The following CCDC30 variants were observed in gnomAD, a reference collection of about 807,000 sequenced individuals.
CCDC30 encodes coiled-coil domain containing 30.
In CCDC30, 70 loss-of-function variants were observed where a neutral mutation model predicts 100.2. That is an observed-to-expected ratio of 0.70 (90% CI 0.58 to 0.85). The LOEUF (loss-of-function observed/expected upper bound fraction) is 0.85. CCDC30 is among the 40% of genes least tolerant of loss of function. The pLI is 0.00. For synonymous variants in CCDC30, 233 were observed against 269.5 expected (o/e 0.86, Z 1.33); for missense variants, 652 against 771.2 (o/e 0.85, Z 1.83).
At chr1:42,528,561 G>A (rs571645992) in intron 6 of CCDC30, among the ~76,000 whole-genome samples, 1 of 152,326 alleles carries the variant, frequency 6.6e-6, no homozygotes, top group Non-Finnish European at 1.5e-5. Context: ...GGTAGGAAGA[G>A]CCTCAAACTG....
At chr1:42,602,244 G>T (rs1309173261) in intron 10 of CCDC30, among the ~76,000 whole-genome samples, 3 of 151,626 alleles carry the variant, frequency 2.0e-5, no homozygotes, top group Admixed American at 6.6e-5. Context: ...AAAATTACAG[G>T]AGAAATCAAT....
intron 4 of CCDC30, among the ~76,000 whole-genome samples, chr1:42,494,810 CA>C (rs1644204255): frequency 8.7e-6 from 1 of 114,362 alleles, no homozygotes; most frequent in Non-Finnish European, 1.8e-5. Flanking sequence ...AATGAGATAC[CA>C]TCTCACACCA....
At chr1:42,655,465 T>C (rs1389255622), downstream of CCDC30, among the ~76,000 whole-genome samples, 1 of 152,038 alleles carries the variant, frequency 6.6e-6, no homozygotes, top group Admixed American at 6.6e-5. Context: ...GAGAATCACT[T>C]GAACCCGAGA....
upstream of CCDC30, among the ~76,000 whole-genome samples, chr1:42,461,158 A>G (rs115571689): frequency 5.2e-3 from 798 of 152,322 alleles, 5 homozygotes; most frequent in African/African-American, 0.018. Context: ...ATGGTGTTTC[A>G]TGGAGTAGGG....
chr1:42,608,845 A>G (rs1455630773), intron 10 of CCDC30, among the ~76,000 whole-genome samples: 1 of 152,124 alleles, frequency 6.6e-6, no homozygotes, highest in Non-Finnish European at 1.5e-5. Context: ...CCAGTGCCAC[A>G]TGATGAGGAA....
intron 6 of CCDC30, among the ~76,000 whole-genome samples, chr1:42,532,034 A>G (rs1341669527): frequency 6.6e-6 from 1 of 151,768 alleles, no homozygotes; most frequent in Non-Finnish European, 1.5e-5. Context: ...GCTCATACCT[A>G]TAATCCTAGC....
In CCDC30 at chr1:42,577,343, T is replaced by A; in HGVS notation, c.846+114T>A. On this transcript the variant is annotated intron_variant, in intron 8 of 16. Transcript: ENST00000668663. ...TGCAGACTTGATAGAATTCTAAGAT[T>A]TTTTTTCTCTCCCATGTTTTCTTCT... is the stretch of plus-strand genomic sequence containing the variant. The A allele has an allele frequency of 4.1e-6, 3 of 723,792 alleles. 1 individual carries two copies. Among genetic ancestry groups the A allele is most frequent in the Non-Finnish European group, 6.7e-6 (3 of 444,982 alleles). The allele number at this position is 723,792 out of a possible 1,614,324, so 44.8% of individuals were successfully genotyped here. A position where few individuals can be genotyped will look rare whatever the true frequency, so the allele number is the denominator to read the frequency against.
upstream of CCDC30, chr1:42,460,118 G>A: frequency 7.4e-7 from 1 of 1,347,074 alleles, no homozygotes; most frequent in African/African-American, 1.5e-5. Flanking sequence ...TTTTGAAATT[G>A]AACACTAGAA....
intron 6 of CCDC30, 71 bp from the exon 11 acceptor site, chr1:42,566,225 C>G (rs2148564909): frequency 8.2e-7 from 1 of 1,219,680 alleles, no homozygotes; most frequent in Non-Finnish European, 1.2e-6. Context: ...CCGGTTCTGA[C>G]AACTTGAACC....
At chr1:42,636,817 T>C (rs1647165590) in intron 11 of CCDC30, among the ~76,000 whole-genome samples, 1 of 151,356 alleles carries the variant, frequency 6.6e-6, no homozygotes, top group South Asian at 2.1e-4. Context: ...AATACAAAAA[T>C]TAGCAGGGCA....
chr1:42,645,917 A>G (rs2148691259), intron 14 of CCDC30, among the ~76,000 whole-genome samples: 2 of 152,318 alleles, frequency 1.3e-5, no homozygotes, highest in Middle Eastern at 6.8e-3. Flanking sequence ...AATAAGTACT[A>G]TAGTATTACA....
upstream of CCDC30, chr1:42,460,228 A>G: frequency 9.4e-7 from 1 of 1,066,816 alleles, no homozygotes; most frequent in Non-Finnish European, 1.1e-6. Context: ...CTATAGAAAA[A>G]GGATTATGGA....
At chr1:42,565,659 A>G (rs376166320) in intron 6 of CCDC30, among the ~76,000 whole-genome samples, 1 of 152,202 alleles carries the variant, frequency 6.6e-6, no homozygotes, top group South Asian at 2.1e-4. Context: ...AGAGCTACCC[A>G]TATGATCTAG....
At chr1:42,464,626 G>T (rs567603609) in intron 1 of CCDC30, among the ~76,000 whole-genome samples, 2 of 152,258 alleles carry the variant, frequency 1.3e-5, no homozygotes, top group South Asian at 4.1e-4. Context: ...TGGAACAGAG[G>T]GCCTTAAATA....
At chr1:42,520,219 AT>A in intron 6 of CCDC30, among the ~76,000 whole-genome samples, 1 of 150,136 alleles carries the variant, frequency 6.7e-6, no homozygotes, top group Non-Finnish European at 1.5e-5. Flanking sequence ...GATCTTTCTT[AT>A]TTTTTACTGT....
intron 6 of CCDC30, among the ~76,000 whole-genome samples, chr1:42,551,059 G>C (rs1645242456): frequency 6.6e-6 from 1 of 152,084 alleles, no homozygotes; most frequent in Non-Finnish European, 1.5e-5. Flanking sequence ...TGCCATGTTG[G>C]TGTGCTGCCT....
chr1:42,527,996 G>T (rs1644748193), intron 6 of CCDC30, among the ~76,000 whole-genome samples: 1 of 152,106 alleles, frequency 6.6e-6, no homozygotes, highest in Non-Finnish European at 1.5e-5. Flanking sequence ...CTCCCGAGTA[G>T]CTGGGATTAC....
intron 11 of CCDC30, among the ~76,000 whole-genome samples, chr1:42,625,140 A>G (rs1469167464): frequency 2.0e-5 from 3 of 151,566 alleles, no homozygotes; most frequent in African/African-American, 4.8e-5. Flanking sequence ...GAGTTTGTTC[A>G]TTTCTTCTAG....
chr1:42,606,006 A>G (rs1389878650), intron 10 of CCDC30, among the ~76,000 whole-genome samples: 1 of 152,198 alleles, frequency 6.6e-6, no homozygotes, highest in Admixed American at 6.5e-5. Flanking sequence ...GCTTAGAAAC[A>G]TTGAAAAAGT....
Sources: gnomAD v4.1 joint callset for allele counts (sites outside exome capture counted in the v4.1 genomes callset) on GRCh38, gnomAD v4.1.1 for gene constraint, MANE v1.5 for transcripts, NCBI Gene and HGNC (gene_info 2026-07-23, HGNC 2026-07-21) for gene names.